The following CMSS1 variants were observed in gnomAD, a reference collection of about 807,000 sequenced individuals.
CMSS1 encodes the protein cms1 ribosomal small subunit homolog, also known as protein CMSS1.
In CMSS1, 33 loss-of-function variants were observed where a neutral mutation model predicts 43.5. That is an observed-to-expected ratio of 0.76 (90% confidence interval 0.57 to 1.01). The LOEUF (loss-of-function observed/expected upper bound fraction) is 1.01. Among genes scored for constraint, CMSS1 ranks in the 50% least tolerant of loss-of-function variants. The probability of loss-of-function intolerance (pLI) is 0.00; values close to 1 mark genes in which losing one functional copy is unlikely to be tolerated. For synonymous variants in CMSS1, 115 were observed against 117.2 expected (o/e 0.98, Z 0.12); for missense variants, 313 against 326.4 (o/e 0.96, Z 0.32).
chr3:100,152,090 C>T (rs2066915463), intron 2 of CMSS1, among the ~76,000 whole-genome samples: 1 of 152,146 alleles, frequency 6.6e-6, no homozygotes, highest in Non-Finnish European at 1.5e-5. Flanking sequence ...TTCTGAAGGC[C>T]ATCCAAGCAA....
intron 1 of CMSS1, among the ~76,000 whole-genome samples, chr3:100,106,650 A>C (rs1383271494): frequency 1.3e-5 from 2 of 152,196 alleles, no homozygotes; most frequent in African/African-American, 4.8e-5. Context: ...ATCCAGAAGC[A>C]TATGCATGCT....
chr3:99,981,494 T>A (rs1709122965), intron 1 of CMSS1, among the ~76,000 whole-genome samples: 1 of 152,160 alleles, frequency 6.6e-6, no homozygotes, highest in African/African-American at 2.4e-5. Flanking sequence ...ACATGATAAA[T>A]GATACAATGA....
intron 2 of CMSS1, 127 bp from the exon 3 acceptor site, chr3:100,160,303 T>G (rs1368651937): frequency 1.6e-6 from 1 of 628,372 alleles, no homozygotes; most frequent in African/African-American, 1.9e-5. Context: ...GCATCTCTCT[T>G]TCTGTAGAAT....
intron 1 of CMSS1, among the ~76,000 whole-genome samples, chr3:99,840,580 AATG>A (rs906817136): frequency 6.6e-6 from 1 of 152,184 alleles, no homozygotes; most frequent in African/African-American, 2.4e-5. Flanking sequence ...TAAGTGGAAA[AATG>A]AGGAAGAAGT....
chr3:99,994,959 G>C (rs1012020702), intron 1 of CMSS1, among the ~76,000 whole-genome samples: 2 of 151,930 alleles, frequency 1.3e-5, no homozygotes, highest in Non-Finnish European at 2.9e-5. Context: ...ATTTGGGTGG[G>C]GACACAGCCA....
intron 1 of CMSS1, among the ~76,000 whole-genome samples, chr3:100,138,773 A>G (rs968247988): frequency 7.2e-5 from 11 of 152,324 alleles, no homozygotes; most frequent in African/African-American, 2.6e-4. Flanking sequence ...CCATTCTTGG[A>G]GACAGTATGG....
intron 8 of CMSS1, among the ~76,000 whole-genome samples, chr3:100,172,708 G>C (rs1038348892): frequency 1.3e-5 from 2 of 152,184 alleles, no homozygotes; most frequent in African/African-American, 4.8e-5. Context: ...CTTGAGTTGA[G>C]CAGTTCCCTG....
chr3:100,110,392 AAGC>A (rs1256580093), intron 1 of CMSS1, among the ~76,000 whole-genome samples: 3 of 152,092 alleles, frequency 2.0e-5, no homozygotes, highest in African/African-American at 7.2e-5. Flanking sequence ...AGAAGCACAG[AAGC>A]AGCTTTATCC....
At chr3:100,048,810 G>C (rs923917791) in intron 1 of CMSS1, among the ~76,000 whole-genome samples, 4 of 151,868 alleles carry the variant, frequency 2.6e-5, no homozygotes, top group African/African-American at 9.7e-5. Context: ...TTTTCTTTCT[G>C]CTTCTAAAAT....
intron 1 of CMSS1, among the ~76,000 whole-genome samples, chr3:99,910,479 C>T (rs1379104380): frequency 2.9e-5 from 4 of 136,448 alleles, no homozygotes; most frequent in Admixed American, 7.8e-5. Context: ...TTAAAGTAAA[C>T]AAACACATGT....
At chr3:99,952,782 TAAG>T (rs1201845337) in intron 1 of CMSS1, among the ~76,000 whole-genome samples, 2 of 152,298 alleles carry the variant, frequency 1.3e-5, no homozygotes, top group East Asian at 3.9e-4. Context: ...TGAATATTCC[TAAG>T]AAGAAACACA....
chr3:99,848,830 AG>A, intron 1 of CMSS1: 1 of 1,613,956 alleles, frequency 6.2e-7, no homozygotes. Flanking sequence ...GGCGTTTTGG[AG>A]GATGGTTATC....
At chr3:100,051,841 A>G (rs2065379339) in intron 1 of CMSS1, among the ~76,000 whole-genome samples, 1 of 148,912 alleles carries the variant, frequency 6.7e-6, no homozygotes, top group Non-Finnish European at 1.5e-5. Flanking sequence ...ATTTTATTAT[A>G]TATATTTTTT....
intron 1 of CMSS1, among the ~76,000 whole-genome samples, chr3:99,920,381 A>G (rs1707087879): frequency 6.6e-6 from 1 of 152,244 alleles, no homozygotes; most frequent in South Asian, 2.1e-4. Flanking sequence ...GCAAAATTAC[A>G]TTGACTAAAA....
chr3:100,175,146 CTT>C (rs1249757835), intron 8 of CMSS1, among the ~76,000 whole-genome samples: 1 of 152,024 alleles, frequency 6.6e-6, no homozygotes, highest in Non-Finnish European at 1.5e-5. Flanking sequence ...TTATGGTAGA[CTT>C]TGGGTTGTTT....
chr3:99,848,829 G>A (rs1328166662), intron 1 of CMSS1: 1 of 1,614,114 alleles, frequency 6.2e-7, no homozygotes, highest in East Asian at 2.2e-5. Flanking sequence ...AGGCGTTTTG[G>A]AGGATGGTTA....
At chr3:100,068,596 T>G (rs1420671901) in intron 1 of CMSS1, among the ~76,000 whole-genome samples, 2 of 152,216 alleles carry the variant, frequency 1.3e-5, no homozygotes, top group East Asian at 3.8e-4. Flanking sequence ...TTTACTTTTC[T>G]AAAACATGAA....
rs1016086745 is a variant in CMSS1, at chr3:100,173,323, G to A, written c.667+920G>A. ...AGTTCCTACTTGTACGCAGCGCTAC[G>A]CTTGACACCCTTACATATGTTACCT... is the stretch of plus-strand genomic sequence containing the variant. On this transcript the variant is annotated intron_variant, in intron 8 of 9. Transcript: ENST00000421999. Among the ~76,000 whole-genome samples the A allele has an allele frequency of 8.5e-5, 13 of 152,314 alleles. No homozygotes were observed. The South Asian group carries it at 1.0e-3, about 12-fold the overall frequency.
chr3:99,924,178 G>T, intron 1 of CMSS1: 1 of 1,462,052 alleles, frequency 6.8e-7, no homozygotes, highest in Non-Finnish European at 9.5e-7. Flanking sequence ...CTGGTACAGT[G>T]GCCAGCTCAT....
Sources: gnomAD v4.1 joint callset for allele counts (sites outside exome capture counted in the v4.1 genomes callset) on GRCh38, gnomAD v4.1.1 for gene constraint, MANE v1.5 for transcripts, NCBI Gene and HGNC (gene_info 2026-07-23, HGNC 2026-07-21) for gene names.